CNTNAP5: variants seen among roughly 807,000 people sequenced by gnomAD.
CNTNAP5 encodes contactin-associated protein-like 5.
CNTNAP5 carries 72 observed loss-of-function variants against 150.2 expected under a neutral mutation model. That is an observed-to-expected ratio of 0.48 (90% confidence interval 0.40 to 0.58). CNTNAP5 has a LOEUF of 0.58. Among genes scored for constraint, CNTNAP5 ranks in the 20% least tolerant of loss-of-function variants. CNTNAP5 has a pLI of 0.00. For synonymous variants in CNTNAP5, 672 were observed against 619.8 expected (o/e 1.08, Z -1.25); for missense variants, 1,636 against 1,626.2 (o/e 1.01, Z -0.10).
At position 124,808,969 on chromosome 2, in the gene CNTNAP5, A is replaced by G. The variant is rs112647170; in HGVS notation, c.3217+10649A>G. ...TTGTGGCCCTGTTCCCAGAGCTCTT[A>G]TGGTAAGACTTTTTTTTTTTCTCTA... On this transcript the variant is annotated intron_variant, in intron 19 of 23. Coordinates refer to ENST00000682447, the MANE Select transcript of CNTNAP5 (RefSeq NM_001367498.1). 2.5e-3 allele frequency among the ~76,000 whole-genome samples: 378 copies of G among 151,952 alleles called. 1 individual carries two copies. The highest frequency in any genetic ancestry group is 3.8e-3 in the Non-Finnish European group (256 of 67,964).
intron 11 of CNTNAP5, among the ~76,000 whole-genome samples, chr2:124,570,565 A>T (rs1294877587): frequency 7.1e-6 from 1 of 140,142 alleles, no homozygotes; most frequent in Non-Finnish European, 1.5e-5. Flanking sequence ...TTTGTTGGGG[A>T]TCGGGTTGCT....
chr2:124,864,369 TCTC>T (rs1368249595), intron 19 of CNTNAP5, among the ~76,000 whole-genome samples: 1 of 152,154 alleles, frequency 6.6e-6, no homozygotes, highest in Non-Finnish European at 1.5e-5. Flanking sequence ...CATTCAGTAT[TCTC>T]CTTCTAGCTA....
rs147451506 is a variant in CNTNAP5 at position 124,237,967 on chromosome 2, C to G, written c.188-4233C>G. On this transcript the variant is annotated intron_variant, in intron 2 of 23. Transcript: ENST00000682447. ...CTCAGGCAGGGACTTGAAATTAGAA[C>G]TGGGTTGGAGTGCAGTCTTTAGCCA... Among the ~76,000 whole-genome samples, 236 of 152,252 alleles carry G rather than the reference C, an allele frequency of 1.6e-3. 2 individuals carry two copies. Among genetic ancestry groups the G allele is most frequent in the African/African-American group, 5.0e-3 (209 of 41,558 alleles).
At chr2:124,491,694 T>G (rs1479291152) in intron 7 of CNTNAP5, among the ~76,000 whole-genome samples, 1 of 152,140 alleles carries the variant, frequency 6.6e-6, no homozygotes, top group Admixed American at 6.6e-5. Context: ...TGTACCAATT[T>G]ACATTACTAC....
At chr2:124,207,595 T>C (rs899418887) in intron 1 of CNTNAP5, among the ~76,000 whole-genome samples, 2 of 152,222 alleles carry the variant, frequency 1.3e-5, no homozygotes, top group Non-Finnish European at 2.9e-5. Flanking sequence ...TTCATCACCA[T>C]TAATCTTTGC....
At chr2:124,702,697 G>A (rs553368106) in intron 13 of CNTNAP5, among the ~76,000 whole-genome samples, 10 of 152,058 alleles carry the variant, frequency 6.6e-5, no homozygotes, top group African/African-American at 2.2e-4. Context: ...TGTACAGCAC[G>A]AGGAAAAGAG....
At chr2:124,417,024 G>A (rs189976324) in intron 3 of CNTNAP5, among the ~76,000 whole-genome samples, 10 of 140,308 alleles carry the variant, frequency 7.1e-5, no homozygotes, top group Non-Finnish European at 1.1e-4. Flanking sequence ...TGCAACCTCC[G>A]CCTCCTGGGT....
At chr2:124,836,807 C>A (rs1682838514) in intron 19 of CNTNAP5, among the ~76,000 whole-genome samples, 1 of 152,022 alleles carries the variant, frequency 6.6e-6, no homozygotes, top group East Asian at 1.9e-4. Context: ...GGTCATAATC[C>A]CCACTGAACA....
At chr2:124,077,918 C>CATAT (rs1185441329) in intron 1 of CNTNAP5, among the ~76,000 whole-genome samples, 1 of 152,164 alleles carries the variant, frequency 6.6e-6, no homozygotes, top group African/African-American at 2.4e-5. Flanking sequence ...ACAATGAGGG[C>CATAT]ATATGGACAT....
At chr2:124,866,478 T>G (rs1221704454) in intron 20 of CNTNAP5, among the ~76,000 whole-genome samples, 1 of 152,202 alleles carries the variant, frequency 6.6e-6, no homozygotes, top group African/African-American at 2.4e-5. Flanking sequence ...CAGGTGATAC[T>G]GAAGAGGGTG....
chr2:124,539,617 A>T (rs915300205), intron 10 of CNTNAP5, among the ~76,000 whole-genome samples: 1 of 152,180 alleles, frequency 6.6e-6, no homozygotes, highest in African/African-American at 2.4e-5. Context: ...GTGTTAAACA[A>T]AAGCAAGGCG....
chr2:124,887,415 G>T (rs920343066), intron 21 of CNTNAP5, among the ~76,000 whole-genome samples: 2 of 152,042 alleles, frequency 1.3e-5, no homozygotes, highest in Admixed American at 6.6e-5. Context: ...ATCCCTACTA[G>T]TGTGACCAGT....
intron 13 of CNTNAP5, among the ~76,000 whole-genome samples, chr2:124,733,106 G>A (rs939867249): frequency 2.0e-5 from 3 of 151,910 alleles, no homozygotes; most frequent in Admixed American, 1.3e-4. Context: ...AAGATTAGGA[G>A]CTTTTGGGGG....
intron 13 of CNTNAP5, among the ~76,000 whole-genome samples, chr2:124,672,559 C>T (rs1678846735): frequency 6.6e-6 from 1 of 152,162 alleles, no homozygotes; most frequent in African/African-American, 2.4e-5. Flanking sequence ...TCCTCAAGGC[C>T]TTTAGGGCCC....
intron 1 of CNTNAP5, among the ~76,000 whole-genome samples, chr2:124,208,010 C>T (rs557676717): frequency 1.3e-5 from 2 of 152,222 alleles, no homozygotes; most frequent in East Asian, 3.9e-4. Flanking sequence ...GCAAGAAGAG[C>T]ATTTTACAAG....
intron 1 of CNTNAP5, among the ~76,000 whole-genome samples, chr2:124,078,884 G>A (rs1682496815): frequency 6.6e-6 from 1 of 152,214 alleles, no homozygotes; most frequent in African/African-American, 2.4e-5. Flanking sequence ...GGACTCAGTT[G>A]TGTGGGACCT....
At chr2:124,480,430 C>T (rs1693737130) in intron 7 of CNTNAP5, among the ~76,000 whole-genome samples, 1 of 152,158 alleles carries the variant, frequency 6.6e-6, no homozygotes, top group African/African-American at 2.4e-5. Flanking sequence ...TCTTATGGCT[C>T]TAAAGCCAAG....
chr2:124,708,904 T>C (rs1679749084), intron 13 of CNTNAP5, among the ~76,000 whole-genome samples: 1 of 152,102 alleles, frequency 6.6e-6, no homozygotes, highest in South Asian at 2.1e-4. Context: ...GCTTGAGAAA[T>C]GTGTTTTTTC....
intron 1 of CNTNAP5, among the ~76,000 whole-genome samples, chr2:124,174,963 C>CT (rs1685025644): frequency 6.6e-6 from 1 of 152,192 alleles, no homozygotes; most frequent in South Asian, 2.1e-4. Flanking sequence ...AACGTTATGA[C>CT]TTGCTGAAGG....
Sources: gnomAD v4.1 joint callset for allele counts (sites outside exome capture counted in the v4.1 genomes callset) on GRCh38, gnomAD v4.1.1 for gene constraint, MANE v1.5 for transcripts, NCBI Gene and HGNC (gene_info 2026-07-23, HGNC 2026-07-21) for gene names.